Variants in UCHL5 observed in about 807,000 individuals in gnomAD.
The protein encoded by UCHL5 is ubiquitin C-terminal hydrolase L5.
UCHL5 carries 34 observed loss-of-function variants against 53.8 expected under a neutral mutation model. The observed-to-expected ratio is 0.63, with a 90% CI of 0.48 to 0.84. The LOEUF is 0.84. Ranked by LOEUF, UCHL5 falls within the 40% of genes least tolerant of loss-of-function variation. The pLI is 0.00. For synonymous variants in UCHL5, 111 were observed against 126.3 expected (o/e 0.88, Z 0.81); for missense variants, 290 against 385.6 (o/e 0.75, Z 2.08).
At chr1:193,022,405 A>G (rs1372117542) in intron 9 of UCHL5, among the ~76,000 whole-genome samples, 2 of 152,144 alleles carry the variant, frequency 1.3e-5, no homozygotes, top group Non-Finnish European at 2.9e-5. Context: ...TACATTCCAC[A>G]TCCAAGCACT....
At chr1:193,021,003 A>G (rs891477894) in intron 10 of UCHL5, 94 bp downstream of exon 10, 2 of 896,984 alleles carry the variant, frequency 2.2e-6, no homozygotes, top group Middle Eastern at 6.6e-4. Context: ...AGCTTCCAAA[A>G]ATTTTACCTC....
chr1:193,030,724 TTATC>T (rs1358735061), intron 3 of UCHL5, among the ~76,000 whole-genome samples: 3 of 152,304 alleles, frequency 2.0e-5, no homozygotes, highest in African/African-American at 7.2e-5. Flanking sequence ...TTTTAGTAAA[TTATC>T]TATTTTTATC....
At chr1:193,039,716 T>C (rs759770895) in intron 3 of UCHL5, among the ~76,000 whole-genome samples, 48 of 152,204 alleles carry the variant, frequency 3.2e-4, no homozygotes, top group Non-Finnish European at 5.4e-4. Flanking sequence ...AGAACTAAAC[T>C]GGAAGAATCA....
chr1:193,059,277 C>T lies in UCHL5; in HGVS notation c.-17G>A, dbSNP rs1192715224. The T allele has an allele frequency of 6.2e-7, 1 of 1,613,642 alleles. No homozygotes were observed. The highest frequency in any genetic ancestry group is 1.1e-5 in the South Asian group (1 of 91,000). ...GCCCGTCATGGCCCTGGCCACACAC[C>T]GCCCCGATCCACCTCTCGCTCTCAG... On this transcript the variant is annotated 5_prime_UTR_variant, in exon 1 of 11. Coordinates refer to ENST00000367454, the MANE Select transcript of UCHL5 (RefSeq NM_001199261.3). The surrounding 1 kb of genome is among the most constrained non-coding windows in gnomAD (Gnocchi z 4.9).
intron 3 of UCHL5, among the ~76,000 whole-genome samples, chr1:193,044,224 C>A (rs1430607938): frequency 6.6e-6 from 1 of 152,142 alleles, no homozygotes; most frequent in Non-Finnish European, 1.5e-5. Flanking sequence ...ATTGCTTCCA[C>A]GAAACTCTAA....
At position 193,029,208 on chromosome 1, in the gene UCHL5, T is replaced by C. The variant is rs770352804; in HGVS notation, c.536A>G (p.Asp179Gly). The change falls in exon 6 of 11, where the codon GAT becomes GGT. Residue 179 changes from aspartate to glycine, a missense_variant. Transcript: ENST00000367454. ...VPVNGRLYEL[D>G]GLREGPIDLG... ...ATCAATCGGTCCTTCTCTTAATCCA[T>C]CTAATTCATACAGTCTCCCATTAAC... is the stretch of plus-strand genomic sequence containing the variant. 6.2e-7 allele frequency: 1 copy of C among 1,613,544 alleles called. No individual in the cohort carries two copies. Among genetic ancestry groups the C allele is most frequent in the Non-Finnish European group, 8.5e-7 (1 of 1,179,704 alleles).
At chr1:193,033,725 A>T (rs543458569) in intron 3 of UCHL5, among the ~76,000 whole-genome samples, 48 of 152,194 alleles carry the variant, frequency 3.2e-4, no homozygotes, top group Non-Finnish European at 6.0e-4. Context: ...GATACACAGA[A>T]AAAAGGGATG....
In UCHL5 at chr1:193,029,567, C is replaced by A. The variant is rs1159675234; in HGVS notation, c.337G>T (p.Glu113Ter). 1 of 1,613,594 alleles carries A rather than the reference C, an allele frequency of 6.2e-7. No homozygotes were observed. The change falls in exon 4 of 11, where the codon GAG (glutamate) becomes TAG (stop). Residue 113 changes from glutamate to a stop codon, truncating the protein, a stop_gained. Coordinates refer to ENST00000367454, the MANE Select transcript of UCHL5 (RefSeq NM_001199261.3). LOFTEE classifies it high-confidence loss of function. ...AAACTTTGTGAAAATTCTTTAAACTCTGATAATGTCTCGCCTAAATGGACA... is the reference window on the plus strand; with the variant it reads ...AAACTTTGTGAAAATTCTTTAAACTATGATAATGTCTCGCCTAAATGGACA... Reference protein sequence around the residue: ...QDVHLGETLSEFKEFSQSFDA... With the variant: ...QDVHLGETLS
At chr1:193,020,382 CT>C (rs1316346021) in intron 10 of UCHL5, 10 of 1,547,850 alleles carry the variant, frequency 6.5e-6, no homozygotes, top group Non-Finnish European at 7.0e-6. Context: ...GTTTCTCAAA[CT>C]GTGGTACACA....
chr1:193,054,312 T>C (rs1669990824), intron 1 of UCHL5, among the ~76,000 whole-genome samples: 1 of 152,242 alleles, frequency 6.6e-6, no homozygotes, highest in African/African-American at 2.4e-5. Context: ...AGGTATGCTA[T>C]GTTCCAACAG....
Position 193,023,114 on chromosome 1 carries a change from C to A in UCHL5, c.733-78G>T, listed in dbSNP as rs2102341439. 3 of 1,108,976 alleles carry A rather than the reference C, an allele frequency of 2.7e-6. No individual in the cohort carries two copies. The South Asian group carries it at 4.3e-5, about 16-fold the overall frequency. 68.7% of individuals were successfully genotyped at this position (1,108,976 alleles called of 1,614,324 possible). A position where few individuals can be genotyped will look rare whatever the true frequency, so the allele number is the denominator to read the frequency against. On this transcript the variant is annotated intron_variant, in intron 8 of 10. Coordinates refer to ENST00000367454, the MANE Select transcript of UCHL5 (RefSeq NM_001199261.3). ...TCAGAATATTTTAAAATGATAAACACAGTATGATTATTTTCAAATTTTTAC... is the reference window on the plus strand; with the variant it reads ...TCAGAATATTTTAAAATGATAAACAAAGTATGATTATTTTCAAATTTTTAC...
At chr1:193,050,596 A>G (rs1668698363) in intron 2 of UCHL5, among the ~76,000 whole-genome samples, 1 of 151,966 alleles carries the variant, frequency 6.6e-6, no homozygotes, top group Non-Finnish European at 1.5e-5. Context: ...AAACAAAAAA[A>G]TTAGCCAGGC....
At chr1:193,033,433 G>A (rs1278914582) in intron 3 of UCHL5, among the ~76,000 whole-genome samples, 1 of 152,014 alleles carries the variant, frequency 6.6e-6, no homozygotes. Context: ...TGGAGACGAT[G>A]GGTCGATCAG....
At chr1:193,023,976 T>C (rs368644197) in intron 7 of UCHL5, 30 bp from the exon 8 acceptor site, 4 of 1,438,710 alleles carry the variant, frequency 2.8e-6, no homozygotes, top group Non-Finnish European at 3.9e-6. Flanking sequence ...GTTTATAATG[T>C]AATAAAGAAT....
chr1:193,029,888 T>C (rs1350987652), intron 3 of UCHL5, among the ~76,000 whole-genome samples: 2 of 152,120 alleles, frequency 1.3e-5, no homozygotes, highest in African/African-American at 2.4e-5. Context: ...ACTCATAATA[T>C]TACCAAAAAC....
chr1:193,051,313 A>G (rs546758677), intron 2 of UCHL5, among the ~76,000 whole-genome samples: 2 of 152,254 alleles, frequency 1.3e-5, no homozygotes, highest in Middle Eastern at 3.4e-3. Context: ...AACTTTAAAT[A>G]TAACTTTCCC....
chr1:193,035,566 CG>C (rs964841127), intron 3 of UCHL5, among the ~76,000 whole-genome samples: 3 of 151,976 alleles, frequency 2.0e-5, no homozygotes, highest in African/African-American at 7.2e-5. Context: ...GTGGCCACAA[CG>C]AGACTTGTTT....
intron 8 of UCHL5, 43 bp downstream of exon 8, chr1:193,023,801 A>T: frequency 6.9e-7 from 1 of 1,444,336 alleles, no homozygotes; most frequent in South Asian, 1.2e-5. Context: ...TCCTGAGAGA[A>T]TAACCAAGCT....
intron 8 of UCHL5, among the ~76,000 whole-genome samples, chr1:193,023,457 C>T (rs1411132794): frequency 6.6e-6 from 1 of 152,100 alleles, no homozygotes; most frequent in Non-Finnish European, 1.5e-5. Flanking sequence ...CCAGTTAACT[C>T]TTTGAGAATT....
Sources: allele counts gnomAD v4.1 joint callset (sites outside exome capture counted in the v4.1 genomes callset), GRCh38; gene constraint gnomAD v4.1.1; non-coding constraint Gnocchi (gnomAD v3.1); transcripts MANE v1.5; gene names NCBI Gene and HGNC (gene_info 2026-07-23, HGNC 2026-07-21).